VGLL4: variants seen among roughly 807,000 people sequenced by gnomAD.
VGLL4 encodes vestigial like family member 4, also known as transcription cofactor vestigial-like protein 4.
In VGLL4, 7 loss-of-function variants were observed where a neutral mutation model predicts 21.0. That is an observed-to-expected ratio of 0.33 (90% CI 0.19 to 0.63). The LOEUF (loss-of-function observed/expected upper bound fraction) is 0.63, where lower values mean the gene tolerates loss of function less well. Ranked by LOEUF, VGLL4 falls within the 20% of genes least tolerant of loss-of-function variation. The pLI is 0.78. For missense variants in VGLL4, 394 were observed against 425.7 expected (o/e 0.93, Z 0.66); for synonymous variants, 222 against 173.2 (o/e 1.28, Z -2.21).
At chr3:11,637,773 C>T (rs1032847170) in intron 1 of VGLL4, among the ~76,000 whole-genome samples, 2 of 152,220 alleles carry the variant, frequency 1.3e-5, no homozygotes, top group African/African-American at 2.4e-5. Flanking sequence ...ATTTTCAGGT[C>T]CTGCTTTTAA....
intron 2 of VGLL4, among the ~76,000 whole-genome samples, chr3:11,681,693 C>A (rs895871483): frequency 6.6e-6 from 1 of 152,200 alleles, no homozygotes; most frequent in Non-Finnish European, 1.5e-5. Flanking sequence ...TTTGTAATAT[C>A]TTTTTAATGA....
chr3:11,696,315 T>C (rs914461237), intron 2 of VGLL4, among the ~76,000 whole-genome samples: 1 of 152,236 alleles, frequency 6.6e-6, no homozygotes, highest in Non-Finnish European at 1.5e-5. Flanking sequence ...TTATTATTCC[T>C]GGGTTTTAGA....
At chr3:11,709,298 A>G (rs2076805151) in intron 1 of VGLL4, among the ~76,000 whole-genome samples, 1 of 151,306 alleles carries the variant, frequency 6.6e-6, no homozygotes, top group Non-Finnish European at 1.5e-5. Context: ...TTAGCCAGGC[A>G]TGGTAGCAGG....
At chr3:11,692,234 A>C (rs1346376442) in intron 2 of VGLL4, among the ~76,000 whole-genome samples, 2 of 152,176 alleles carry the variant, frequency 1.3e-5, no homozygotes, top group African/African-American at 4.8e-5. Flanking sequence ...TATTTTCACC[A>C]GTGGATATCC....
rs116171426 is a variant in VGLL4 at position 11,643,913 on chromosome 3, T to G, written c.-395A>C. On this transcript the variant is annotated 5_prime_UTR_variant, in exon 1 of 5. Transcript: ENST00000430365. Reference sequence around the variant, plus strand: ...AAGCCGGCAGCGCTGACATGAGGGCTATGCTTGGCATGACTCCTATGCCGC... The same window carrying G: ...AAGCCGGCAGCGCTGACATGAGGGCGATGCTTGGCATGACTCCTATGCCGC... 603 of 1,012,924 alleles carry G rather than the reference T, an allele frequency of 6.0e-4. 1 individual carries two copies. The African/African-American group carries it at 9.6e-3, about 16-fold the overall frequency. 62.7% of individuals were successfully genotyped at this position (1,012,924 alleles called of 1,614,324 possible).
chr3:11,581,119 T>A lies in VGLL4; in HGVS notation c.273-16100A>T, dbSNP rs147585434. ...TCTTTCTCTGTCGCCCTGGCTGGCA[T>A]GCAGTGGCACGATCTCAGCTCACTG... is the stretch of plus-strand genomic sequence containing the variant. On this transcript the variant is annotated intron_variant, in intron 2 of 4. Transcript: ENST00000430365. Among the ~76,000 whole-genome samples the A allele has an allele frequency of 3.3e-3, 508 of 151,760 alleles. 4 individuals are homozygous for A. The highest frequency in any genetic ancestry group is 0.012 in the African/African-American group (484 of 41,328).
intron 1 of VGLL4, among the ~76,000 whole-genome samples, chr3:11,717,470 A>G (rs909128564): frequency 2.1e-5 from 3 of 145,638 alleles, no homozygotes; most frequent in South Asian, 2.2e-4. Flanking sequence ...TAAGGAGTTA[A>G]GAGGAATTTC....
At chr3:11,664,352 T>TA (rs1392481022) in intron 2 of VGLL4, among the ~76,000 whole-genome samples, 1 of 151,622 alleles carries the variant, frequency 6.6e-6, no homozygotes, top group Non-Finnish European at 1.5e-5. Context: ...GATAGGGAGG[T>TA]AATCAAGAGA....
rs34908529 is a variant in VGLL4, at chr3:11,579,217, TA to T, written c.273-14199del. On this transcript the variant is annotated intron_variant, in intron 2 of 4. Transcript: ENST00000430365. ...GAAAGGGTTGGCCAAGCTAACTTTC[TA>T]AAAAAAAAAAAAAAAACCAGACTGC... Among the ~76,000 whole-genome samples the T allele has an allele frequency of 5.7e-3, 770 of 134,626 alleles. 5 individuals are homozygous for T. The highest frequency in any genetic ancestry group is 0.018 in the African/African-American group (651 of 35,838). 88.3% of individuals were successfully genotyped at this position (134,626 alleles called of 152,430 possible).
intron 1 of VGLL4, among the ~76,000 whole-genome samples, chr3:11,625,409 A>C (rs2075333469): frequency 6.6e-6 from 1 of 152,232 alleles, no homozygotes; most frequent in Non-Finnish European, 1.5e-5. Flanking sequence ...AGGTCTTTGA[A>C]AGTACAAGTT....
At chr3:11,612,099 T>C (rs186633909) in intron 1 of VGLL4, 21 of 152,262 alleles carry the variant, frequency 1.4e-4, no homozygotes, top group African/African-American at 5.1e-4. Context: ...TCAACATCTA[T>C]TGTGAATATA....
At chr3:11,569,771 A>G (rs1427865455) in intron 2 of VGLL4, among the ~76,000 whole-genome samples, 2 of 152,168 alleles carry the variant, frequency 1.3e-5, no homozygotes, top group Non-Finnish European at 2.9e-5. Flanking sequence ...GGTCCCAGCT[A>G]CTTGGAGGCT....
At chr3:11,657,387 C>A (rs2075973564) in intron 2 of VGLL4, among the ~76,000 whole-genome samples, 1 of 152,088 alleles carries the variant, frequency 6.6e-6, no homozygotes, top group Non-Finnish European at 1.5e-5. Flanking sequence ...ACAAATGTGG[C>A]AAGCAAATGA....
chr3:11,691,904 T>TGAACACACATCTGGTGAA (rs2125393458), intron 2 of VGLL4, among the ~76,000 whole-genome samples: 1 of 148,550 alleles, frequency 6.7e-6, no homozygotes, highest in East Asian at 2.0e-4. Flanking sequence ...CTGGAGATGT[T>TGAACACACATCTGGTGAA]CACACCAGAT....
At chr3:11,614,654 T>A (rs2075127880) in intron 1 of VGLL4, among the ~76,000 whole-genome samples, 1 of 152,206 alleles carries the variant, frequency 6.6e-6, no homozygotes, top group Non-Finnish European at 1.5e-5. Context: ...TTCCTTACTA[T>A]TGCTAAATAT....
chr3:11,704,664 G>A (rs2076734487), intron 1 of VGLL4, among the ~76,000 whole-genome samples: 2 of 152,120 alleles, frequency 1.3e-5, no homozygotes, highest in African/African-American at 4.8e-5. Flanking sequence ...AAATAAGTTT[G>A]AGGAAGCCTG....
chr3:11,693,341 G>C (rs1173701729), intron 2 of VGLL4, among the ~76,000 whole-genome samples: 1 of 152,112 alleles, frequency 6.6e-6, no homozygotes, highest in African/African-American at 2.4e-5. Context: ...CCCTGCAGGG[G>C]CTACTTCATT....
intron 1 of VGLL4, chr3:11,627,230 A>ACACACTCTCTCT (rs1491347863): frequency 2.8e-4 from 34 of 123,320 alleles, no homozygotes; most frequent in African/African-American, 1.1e-3. Flanking sequence ...ACACACACAC[A>ACACACTCTCTCT]CTCTCTCTCT....
chr3:11,625,449 A>T (rs1479773216), intron 1 of VGLL4, among the ~76,000 whole-genome samples: 5 of 152,232 alleles, frequency 3.3e-5, no homozygotes, highest in Non-Finnish European at 7.3e-5. Context: ...CTATATCCAT[A>T]TCTATAGCTC....
Sources: allele counts gnomAD v4.1 joint callset (sites outside exome capture counted in the v4.1 genomes callset), GRCh38; gene constraint gnomAD v4.1.1; transcripts MANE v1.5; gene names NCBI Gene and HGNC (gene_info 2026-07-23, HGNC 2026-07-21).